The following RELN variants were observed in gnomAD, a reference collection of about 807,000 sequenced individuals.
The protein encoded by RELN is reelin.
Under a neutral mutation model 427.6 loss-of-function variants are expected in RELN, and 108 were observed. The ratio of observed to expected loss-of-function variants is 0.25; its 90% confidence interval spans 0.22 to 0.30. The LOEUF (loss-of-function observed/expected upper bound fraction) is 0.30. RELN is among the 10% of genes least tolerant of loss of function. The pLI, the probability that RELN is intolerant of heterozygous loss-of-function variation, is 1.00. For synonymous variants in RELN, 1,524 were observed against 1,513.4 expected, an observed-to-expected ratio of 1.01 and a Z score of -0.16; for missense variants, 3,715 against 4,302.8, an observed-to-expected ratio of 0.86 and a Z score of 3.82.
intron 2 of RELN, among the ~76,000 whole-genome samples, chr7:103,905,073 G>A (rs566611345): frequency 3.4e-4 from 50 of 148,160 alleles, no homozygotes; most frequent in African/African-American, 1.1e-3. Context: ...ATCTGCCTCC[G>A]GGGTTCAAGT....
chr7:103,721,936 T>C (rs1027238795), intron 8 of RELN, among the ~76,000 whole-genome samples: 7 of 152,220 alleles, frequency 4.6e-5, no homozygotes, highest in Non-Finnish European at 1.0e-4. Flanking sequence ...ATAAAACTTT[T>C]TTTGATTATA....
chr7:103,507,966 C>A (rs1010432277), intron 51 of RELN, among the ~76,000 whole-genome samples: 1 of 152,156 alleles, frequency 6.6e-6, no homozygotes, highest in Non-Finnish European at 1.5e-5. Flanking sequence ...CACATACACC[C>A]TCCCAAGACT....
intron 27 of RELN, among the ~76,000 whole-genome samples, chr7:103,592,148 C>A (rs1831430383): frequency 1.3e-5 from 2 of 152,116 alleles, no homozygotes; most frequent in Non-Finnish European, 2.9e-5. Context: ...AGGTAATAAG[C>A]ATACTACCCA....
At chr7:103,771,305 C>T (rs1473291099) in intron 4 of RELN, among the ~76,000 whole-genome samples, 3 of 152,020 alleles carry the variant, frequency 2.0e-5, no homozygotes, top group African/African-American at 7.2e-5. Flanking sequence ...ACACCTCTAC[C>T]ATGTTCAGAT....
intron 10 of RELN, among the ~76,000 whole-genome samples, chr7:103,695,637 G>A (rs1391886979): frequency 6.6e-6 from 1 of 152,002 alleles, no homozygotes; most frequent in African/African-American, 2.4e-5. Flanking sequence ...ATGAAACAGA[G>A]GGTACATTTA....
chr7:103,943,260 G>T lies in RELN; in HGVS notation c.227-26075C>A, dbSNP rs115075382. On this transcript the variant is annotated intron_variant, in intron 1 of 64. Transcript: ENST00000428762. ...ATGTAACAGGAGTGGGTACCAAGTT[G>T]GAGATAAGATGGGACACCACTTGTA... Among the ~76,000 whole-genome samples, 458 of 152,278 alleles carry T rather than the reference G, an allele frequency of 3.0e-3. 1 individual carries two copies. The highest frequency in any genetic ancestry group is 9.9e-3 in the African/African-American group (410 of 41,552).
intron 11 of RELN, among the ~76,000 whole-genome samples, chr7:103,664,729 G>A (rs80270752): frequency 0.036 from 5,416 of 152,174 alleles, 155 homozygotes; most frequent in East Asian, 0.14. Flanking sequence ...TAGTAGTGAG[G>A]CTAAATATAT....
Position 103,575,722 on chromosome 7 carries a change from C to G in RELN, c.4146-17G>C, listed in dbSNP as rs1408773986. ...CTGGTCTTGCTGTTGGGAAAAACAA[C>G]ACACCTGTTTCTTGTACCAACATCT... On this transcript the variant is annotated splice_polypyrimidine_tract_variant and intron_variant, in intron 28 of 64. Transcript: ENST00000428762. 6.2e-7 allele frequency: 1 copy of G among 1,614,086 alleles called. No individual in the cohort carries two copies. The highest frequency in any genetic ancestry group is 1.1e-5 in the South Asian group (1 of 91,088).
chr7:103,913,516 A>G (rs1188163081), intron 2 of RELN, among the ~76,000 whole-genome samples: 1 of 152,174 alleles, frequency 6.6e-6, no homozygotes, highest in East Asian at 1.9e-4. Context: ...AAAGTGCCAC[A>G]TTACTTTAGC....
chr7:103,865,175 A>G (rs1794169745), intron 2 of RELN, among the ~76,000 whole-genome samples: 1 of 151,398 alleles, frequency 6.6e-6, no homozygotes, highest in East Asian at 1.9e-4. Context: ...AAATTCTTAG[A>G]AACATACAAG....
At chr7:103,961,264 A>T (rs1340913948) in intron 1 of RELN, among the ~76,000 whole-genome samples, 1 of 152,180 alleles carries the variant, frequency 6.6e-6, no homozygotes, top group Non-Finnish European at 1.5e-5. Flanking sequence ...CTTTTTATAT[A>T]CTTTAAAGAA....
intron 11 of RELN, among the ~76,000 whole-genome samples, chr7:103,665,354 GTGTGTGTGTA>G (rs1562947151): frequency 1.5e-5 from 2 of 130,842 alleles, no homozygotes; most frequent in Non-Finnish European, 3.2e-5. Context: ...GTGTGTGTGT[GTGTGTGTGTA>G]TATATATATA....
rs551243731 is a variant in RELN at position 103,733,202 on chromosome 7, C to G, written c.657-4995G>C. On this transcript the variant is annotated intron_variant, in intron 6 of 64. Transcript: ENST00000428762. The stretch of plus-strand genomic sequence containing the variant: ...ACACATGAAAGAATGCTCATCATCA[C>G]TGGCCATCAGAGAAATGCAAATCAA... Among the ~76,000 whole-genome samples the G allele has an allele frequency of 8.7e-4, 132 of 152,238 alleles. 1 individual carries two copies. Among genetic ancestry groups the G allele is most frequent in the African/African-American group, 3.0e-3 (124 of 41,506 alleles).
At chr7:103,527,628 T>G (rs1188135146) in intron 46 of RELN, among the ~76,000 whole-genome samples, 1 of 152,238 alleles carries the variant, frequency 6.6e-6, no homozygotes, top group African/African-American at 2.4e-5. Flanking sequence ...TGGCCCTCTG[T>G]GTTTGAGCAA....
chr7:103,946,973 T>C (rs2116752268), intron 1 of RELN, among the ~76,000 whole-genome samples: 1 of 152,322 alleles, frequency 6.6e-6, no homozygotes, highest in Admixed American at 6.5e-5. Context: ...GTATAAAGTA[T>C]TAGTGTCAGA....
At chr7:103,718,332 CAAAA>C (rs11300111) in intron 8 of RELN, among the ~76,000 whole-genome samples, 1,343 of 131,010 alleles carry the variant, frequency 0.01, 10 homozygotes, top group Non-Finnish European at 0.011. Flanking sequence ...AACAAAGCAG[CAAAA>C]AAAAAAAAAA....
At chr7:103,779,468 A>T (rs1470778981) in intron 3 of RELN, among the ~76,000 whole-genome samples, 2 of 152,056 alleles carry the variant, frequency 1.3e-5, no homozygotes, top group Non-Finnish European at 2.9e-5. Flanking sequence ...GCTTTACATA[A>T]ATTAACTCAG....
chr7:103,772,669 A>G (rs1325111661), intron 4 of RELN, among the ~76,000 whole-genome samples: 1 of 152,202 alleles, frequency 6.6e-6, no homozygotes, highest in Non-Finnish European at 1.5e-5. Context: ...GAACAAAAGG[A>G]TGTAAAAGGA....
In RELN at chr7:103,829,055, A is replaced by C. The variant is rs562810350; in HGVS notation, c.473+4482T>G. ...GTGAGTTACCTTAGGCAAGTGATTT[A>C]ACATCTCTGTCCTTCAGTTTCCTCA... On this transcript the variant is annotated intron_variant, in intron 3 of 64. Coordinates refer to ENST00000428762, the MANE Select transcript of RELN (RefSeq NM_005045.4). 1.5e-4 allele frequency among the ~76,000 whole-genome samples: 23 copies of C among 152,168 alleles called. 1 individual carries two copies. Among genetic ancestry groups the C allele is most frequent in the African/African-American group, 5.5e-4 (23 of 41,562 alleles).
Sources: gnomAD v4.1 joint callset for allele counts (sites outside exome capture counted in the v4.1 genomes callset) on GRCh38, gnomAD v4.1.1 for gene constraint, MANE v1.5 for transcripts, NCBI Gene and HGNC (gene_info 2026-07-23, HGNC 2026-07-21) for gene names.